DLGAP2: variants seen among roughly 807,000 people sequenced by gnomAD.
The protein encoded by DLGAP2 is disks large-associated protein 2.
A neutral mutation model predicts 100.3 loss-of-function variants in DLGAP2; 26 were observed. The observed-to-expected ratio is 0.26, with a 90% CI of 0.19 to 0.36. DLGAP2 has a LOEUF of 0.36. Among genes scored for constraint, DLGAP2 ranks in the 10% least tolerant of loss-of-function variants. The probability of loss-of-function intolerance (pLI) is 1.00; values close to 1 mark genes in which losing one functional copy is unlikely to be tolerated. For missense variants in DLGAP2, 1,858 were observed against 1,453.2 expected (o/e 1.28, Z -4.53); for synonymous variants, 886 against 630.1 (o/e 1.41, Z -6.08).
chr8:799,940 T>A (rs1441612397), intron 1 of DLGAP2, among the ~76,000 whole-genome samples: 2 of 152,222 alleles, frequency 1.3e-5, no homozygotes. Context: ...CATGAATTAA[T>A]GCTGTAATTG....
chr8:890,402 T>A (rs148986840), intron 1 of DLGAP2, among the ~76,000 whole-genome samples: 1 of 152,164 alleles, frequency 6.6e-6, no homozygotes, highest in Non-Finnish European at 1.5e-5. Flanking sequence ...ATGGAACGTT[T>A]TTTTTCCCCA....
rs187085766 is a variant in DLGAP2 at position 1,181,415 on chromosome 8, C to T, written c.74-77436C>T. ...TAAGGATAATGGCCTCCAGCTCCAT[C>T]CATGTTCCTGCAGGGCACGTGATCT... On this transcript the variant is annotated intron_variant, in intron 2 of 14. Coordinates refer to ENST00000637795, the MANE Select transcript of DLGAP2 (RefSeq NM_001346810.2). 3.1e-4 allele frequency among the ~76,000 whole-genome samples: 47 copies of T among 152,286 alleles called. No homozygotes were observed. The East Asian group carries it at 4.8e-3, about 16-fold the overall frequency.
chr8:1,043,974 C>T (rs369838643), intron 2 of DLGAP2, among the ~76,000 whole-genome samples: 1 of 152,058 alleles, frequency 6.6e-6, no homozygotes, highest in African/African-American at 2.4e-5. Context: ...AGAGACTTTG[C>T]ATCACCTCTG....
At chr8:1,594,413 A>G (rs986090365) in intron 6 of DLGAP2, among the ~76,000 whole-genome samples, 5 of 152,264 alleles carry the variant, frequency 3.3e-5, no homozygotes, top group African/African-American at 1.2e-4. Flanking sequence ...TATGTGCCAA[A>G]CAGAAATTAT....
intron 3 of DLGAP2, among the ~76,000 whole-genome samples, chr8:1,274,815 G>A (rs1382230509): frequency 2.0e-5 from 3 of 147,530 alleles, no homozygotes; most frequent in Admixed American, 6.9e-5. Context: ...AACAAAAGGA[G>A]GCAAGAAACC....
chr8:1,231,895 T>G (rs949123457), intron 2 of DLGAP2, among the ~76,000 whole-genome samples: 2 of 152,026 alleles, frequency 1.3e-5, no homozygotes, highest in South Asian at 2.1e-4. Context: ...CCCCCAAATC[T>G]CAGCATCCTA....
chr8:1,217,459 A>T (rs769429021), intron 2 of DLGAP2, among the ~76,000 whole-genome samples: 1 of 152,144 alleles, frequency 6.6e-6, no homozygotes, highest in East Asian at 1.9e-4. Context: ...TTTATATTCT[A>T]TTGGGTATAT....
At chr8:874,516 C>A (rs1797654887) in intron 1 of DLGAP2, among the ~76,000 whole-genome samples, 1 of 152,070 alleles carries the variant, frequency 6.6e-6, no homozygotes, top group Admixed American at 6.6e-5. Flanking sequence ...ATTTCCAAAA[C>A]TTTTTTCTGT....
chr8:889,651 G>C (rs1186405684), intron 1 of DLGAP2, among the ~76,000 whole-genome samples: 1 of 152,250 alleles, frequency 6.6e-6, no homozygotes, highest in African/African-American at 2.4e-5. Context: ...AGTAGGGGAA[G>C]AGCGCAGCCT....
intron 2 of DLGAP2, among the ~76,000 whole-genome samples, chr8:969,825 G>A (rs537770374): frequency 1.2e-4 from 19 of 152,140 alleles, no homozygotes; most frequent in Non-Finnish European, 2.5e-4. Flanking sequence ...TTTGGTGATC[G>A]TGTAGACTTA....
chr8:1,282,032 CAT>C (rs1324709034), intron 3 of DLGAP2, among the ~76,000 whole-genome samples: 3 of 139,006 alleles, frequency 2.2e-5, no homozygotes, highest in African/African-American at 9.4e-5. Flanking sequence ...AACCCAGCAC[CAT>C]GAACCATCCG....
chr8:1,228,488 A>G (rs1249916051), intron 2 of DLGAP2, among the ~76,000 whole-genome samples: 4 of 152,224 alleles, frequency 2.6e-5, no homozygotes, highest in Non-Finnish European at 4.4e-5. Flanking sequence ...TACTAAAACC[A>G]TACAATGACA....
At chr8:984,624 A>G (rs2129015155) in intron 2 of DLGAP2, among the ~76,000 whole-genome samples, 1 of 152,326 alleles carries the variant, frequency 6.6e-6, no homozygotes, top group Non-Finnish European at 1.5e-5. Flanking sequence ...GCCACTCTCC[A>G]AGAACAGCGG....
intron 3 of DLGAP2, among the ~76,000 whole-genome samples, chr8:1,340,375 T>C (rs1221740033): frequency 6.6e-6 from 1 of 152,192 alleles, no homozygotes; most frequent in Non-Finnish European, 1.5e-5. Flanking sequence ...ATGAGGAATT[T>C]AAACACATTT....
chr8:1,347,168 C>A (rs1181675742), intron 3 of DLGAP2, among the ~76,000 whole-genome samples: 1 of 151,894 alleles, frequency 6.6e-6, no homozygotes, highest in East Asian at 1.9e-4. Context: ...CGTTCCTGTA[C>A]AGAGCTGCAT....
intron 6 of DLGAP2, among the ~76,000 whole-genome samples, chr8:1,607,504 C>T (rs1796837609): frequency 6.6e-6 from 1 of 152,212 alleles, no homozygotes; most frequent in Non-Finnish European, 1.5e-5. Flanking sequence ...AAATATAAAG[C>T]AATTTGAGGA....
In DLGAP2 at chr8:1,387,578, C is replaced by T. The variant is rs1051535431; in HGVS notation, c.107-113788C>T. Among the ~76,000 whole-genome samples the T allele has an allele frequency of 1.2e-4, 18 of 152,254 alleles. No homozygotes were observed. The South Asian group carries it at 1.2e-3, about 11-fold the overall frequency. On this transcript the variant is annotated intron_variant, in intron 3 of 14. Transcript: ENST00000637795. ...GACGCCACTGAACTGCACCACTGGACGTGGCTAGAATGGTGAATTTCGTGT... is the reference window on the plus strand; with the variant it reads ...GACGCCACTGAACTGCACCACTGGATGTGGCTAGAATGGTGAATTTCGTGT...
chr8:1,686,206 G>A (rs2130868342), intron 12 of DLGAP2, among the ~76,000 whole-genome samples: 1 of 152,286 alleles, frequency 6.6e-6, no homozygotes, highest in South Asian at 2.1e-4. Context: ...TAAAGAAAAT[G>A]TGGTAAGAAA....
At chr8:911,879 GA>G (rs1321749093) in intron 2 of DLGAP2, among the ~76,000 whole-genome samples, 1 of 152,222 alleles carries the variant, frequency 6.6e-6, no homozygotes, top group African/African-American at 2.4e-5. Flanking sequence ...TCTAAGCAGG[GA>G]AAACTTTGGG....
Sources: allele counts gnomAD v4.1 joint callset (sites outside exome capture counted in the v4.1 genomes callset), GRCh38; gene constraint gnomAD v4.1.1; transcripts MANE v1.5; gene names NCBI Gene and HGNC (gene_info 2026-07-23, HGNC 2026-07-21).